Variants in ADCY2 observed in about 807,000 individuals in gnomAD.
ADCY2 encodes the protein adenylate cyclase type 2.
Under a neutral mutation model 125.2 loss-of-function variants are expected in ADCY2, and 31 were observed. That is an observed-to-expected ratio of 0.25 (90% CI 0.19 to 0.33). The LOEUF is 0.33. Ranked by LOEUF, ADCY2 falls within the 10% of genes least tolerant of loss-of-function variation. ADCY2 has a pLI of 1.00. For missense variants in ADCY2, 904 were observed against 1,418.2 expected, an observed-to-expected ratio of 0.64 and a Z score of 5.82; for synonymous variants, 512 against 548.4, an observed-to-expected ratio of 0.93 and a Z score of 0.93.
At chr5:7,807,337 C>A (rs1327990307) in intron 22 of ADCY2, among the ~76,000 whole-genome samples, 1 of 152,186 alleles carries the variant, frequency 6.6e-6, no homozygotes, top group Non-Finnish European at 1.5e-5. Context: ...CTTCTACTTT[C>A]TCTCTACACC....
At chr5:7,624,174 T>C (rs1738046560) in intron 3 of ADCY2, among the ~76,000 whole-genome samples, 1 of 152,170 alleles carries the variant, frequency 6.6e-6, no homozygotes, top group Non-Finnish European at 1.5e-5. Context: ...CTCTGTCCTC[T>C]TTTTTCTCTG....
chr5:7,563,139 A>C (rs1735766216), intron 3 of ADCY2, among the ~76,000 whole-genome samples: 2 of 152,142 alleles, frequency 1.3e-5, no homozygotes, highest in Admixed American at 1.3e-4. Context: ...ATTTTTAAGA[A>C]AGTAGAGTTA....
At chr5:7,666,059 C>G (rs543061714) in intron 4 of ADCY2, among the ~76,000 whole-genome samples, 1 of 151,126 alleles carries the variant, frequency 6.6e-6, no homozygotes, top group Non-Finnish European at 1.5e-5. Flanking sequence ...AGGATGGTCT[C>G]GATCTCCTGA....
intron 4 of ADCY2, among the ~76,000 whole-genome samples, chr5:7,656,033 C>T (rs1739311247): frequency 6.6e-6 from 1 of 151,096 alleles, no homozygotes; most frequent in Non-Finnish European, 1.5e-5. Context: ...CAAACATGAG[C>T]TGTTAGGTTT....
intron 22 of ADCY2, among the ~76,000 whole-genome samples, chr5:7,815,956 C>G (rs1017805537): frequency 6.6e-6 from 1 of 152,240 alleles, no homozygotes; most frequent in Non-Finnish European, 1.5e-5. Flanking sequence ...TCTTCTCCCC[C>G]TGTCGGGCCT....
rs1488830313 is a variant in ADCY2 at position 7,539,296 on chromosome 5, T to A, written c.570+18397T>A. ...AGTTCATTGAGCTATCCAGCAGACA[T>A]ATTTTAAGCAACTGCTATATTCCAG... is the stretch of plus-strand genomic sequence containing the variant. On this transcript the variant is annotated intron_variant, in intron 3 of 24. Transcript: ENST00000338316. Among the ~76,000 whole-genome samples, 18 of 151,962 alleles carry A rather than the reference T, an allele frequency of 1.2e-4. 1 individual carries two copies. Among genetic ancestry groups the A allele is most frequent in the Admixed American group, 1.2e-3 (18 of 15,254 alleles).
intron 2 of ADCY2, among the ~76,000 whole-genome samples, chr5:7,509,297 C>T (rs1298332479): frequency 2.0e-5 from 3 of 152,076 alleles, no homozygotes; most frequent in Admixed American, 2.0e-4. Flanking sequence ...ATATTCACAG[C>T]AAAAGAAGGA....
At chr5:7,808,222 T>G (rs998742925) in intron 22 of ADCY2, among the ~76,000 whole-genome samples, 2 of 152,228 alleles carry the variant, frequency 1.3e-5, no homozygotes, top group African/African-American at 4.8e-5. Context: ...CCTGTCATTT[T>G]CAACTTTCCT....
At chr5:7,475,036 G>C (rs377391818) in intron 2 of ADCY2, among the ~76,000 whole-genome samples, 1 of 152,148 alleles carries the variant, frequency 6.6e-6, no homozygotes, top group Admixed American at 6.5e-5. Flanking sequence ...CGCTGGCCTG[G>C]GTGACCCAGC....
intron 13 of ADCY2, 130 bp from the exon 14 acceptor site, chr5:7,727,034 G>T: frequency 1.6e-6 from 1 of 644,350 alleles, no homozygotes; most frequent in Non-Finnish European, 2.7e-6. Flanking sequence ...TTTCTCCTTA[G>T]CTCACGTTGG....
intron 2 of ADCY2, among the ~76,000 whole-genome samples, chr5:7,495,753 T>G (rs772954279): frequency 1.5e-4 from 23 of 152,248 alleles, no homozygotes; most frequent in Non-Finnish European, 3.1e-4. Context: ...AATCTGAACA[T>G]TTTGACATCC....
intron 18 of ADCY2, among the ~76,000 whole-genome samples, chr5:7,773,820 G>A (rs770441430): frequency 3.9e-5 from 6 of 152,040 alleles, no homozygotes; most frequent in Non-Finnish European, 5.9e-5. Flanking sequence ...GTTTATAACC[G>A]GTTTCCTGTT....
At chr5:7,598,241 A>G (rs1432668053) in intron 3 of ADCY2, among the ~76,000 whole-genome samples, 3 of 152,146 alleles carry the variant, frequency 2.0e-5, no homozygotes, top group African/African-American at 7.2e-5. Flanking sequence ...TGGGAGTGGG[A>G]GCAAGGAGGA....
intron 4 of ADCY2, among the ~76,000 whole-genome samples, chr5:7,655,172 A>G (rs1007163274): frequency 6.6e-6 from 1 of 152,214 alleles, no homozygotes; most frequent in Non-Finnish European, 1.5e-5. Flanking sequence ...GTGGTTGTGT[A>G]GGAAAGGGGC....
intron 2 of ADCY2, among the ~76,000 whole-genome samples, chr5:7,433,161 T>G (rs1415488270): frequency 6.6e-6 from 1 of 152,186 alleles, no homozygotes; most frequent in African/African-American, 2.4e-5. Flanking sequence ...TTCTTTCCAT[T>G]CAGATATGCT....
chr5:7,455,857 T>C (rs932163958), intron 2 of ADCY2, among the ~76,000 whole-genome samples: 1 of 147,838 alleles, frequency 6.8e-6, no homozygotes, highest in East Asian at 2.0e-4. Flanking sequence ...TAATGTATTA[T>C]GTACATTGTT....
At chr5:7,641,601 G>T (rs1738715324) in intron 4 of ADCY2, among the ~76,000 whole-genome samples, 2 of 151,940 alleles carry the variant, frequency 1.3e-5, no homozygotes, top group South Asian at 4.2e-4. Context: ...TAGGTTTGGG[G>T]TATGACTGAT....
intron 1 of ADCY2, among the ~76,000 whole-genome samples, chr5:7,412,074 C>CA (rs35911952): frequency 0.026 from 3,592 of 137,750 alleles, 54 homozygotes; most frequent in African/African-American, 0.057. Flanking sequence ...GACTCCGTCT[C>CA]AAAAAAAAAA....
At chr5:7,743,621 A>G in intron 14 of ADCY2, 47 bp from the exon 15 acceptor site, 1 of 1,560,076 alleles carries the variant, frequency 6.4e-7, no homozygotes, top group Non-Finnish European at 8.8e-7. Flanking sequence ...TTCCAGAATG[A>G]GAGAAACGAT....
Sources: allele counts gnomAD v4.1 joint callset (sites outside exome capture counted in the v4.1 genomes callset), GRCh38; gene constraint gnomAD v4.1.1; transcripts MANE v1.5; gene names NCBI Gene and HGNC (gene_info 2026-07-23, HGNC 2026-07-21).